The following STXBP6 variants were observed in gnomAD, a reference collection of about 807,000 sequenced individuals.
The protein encoded by STXBP6 is syntaxin binding protein 6, also known as syntaxin-binding protein 6.
Under a neutral mutation model 26.9 loss-of-function variants are expected in STXBP6, and 21 were observed. The ratio of observed to expected loss-of-function variants is 0.78; its 90% confidence interval spans 0.55 to 1.12. The LOEUF is 1.12. Among genes scored for constraint, STXBP6 ranks in the 50% most tolerant of loss-of-function variants. STXBP6 has a pLI of 0.00. For missense variants in STXBP6, 232 were observed against 257.9 expected (o/e 0.90, Z 0.69); for synonymous variants, 97 against 92.6 (o/e 1.05, Z -0.27).
chr14:24,913,269 A>T (rs1389882726), intron 2 of STXBP6, among the ~76,000 whole-genome samples: 1 of 152,216 alleles, frequency 6.6e-6, no homozygotes, highest in Admixed American at 6.5e-5. Context: ...GGACCAGTTA[A>T]TAAGGAATGG....
At chr14:25,003,197 G>C (rs902954946) in intron 1 of STXBP6, among the ~76,000 whole-genome samples, 2 of 152,144 alleles carry the variant, frequency 1.3e-5, no homozygotes, top group Non-Finnish European at 2.9e-5. Context: ...TGGAGGGGAG[G>C]AGACCAGTTG....
At chr14:24,839,584 A>G (rs1264109620) in intron 4 of STXBP6, among the ~76,000 whole-genome samples, 1 of 152,182 alleles carries the variant, frequency 6.6e-6, no homozygotes, top group African/African-American at 2.4e-5. Flanking sequence ...CTAAAAACCC[A>G]AAAAGTATGG....
At chr14:24,858,073 C>T (rs2069402497) in intron 2 of STXBP6, among the ~76,000 whole-genome samples, 2 of 152,048 alleles carry the variant, frequency 1.3e-5, no homozygotes, top group Non-Finnish European at 2.9e-5. Flanking sequence ...GAAGATGATC[C>T]TAATTACTGA....
At chr14:25,044,039 C>T (rs1453804014) in intron 1 of STXBP6, among the ~76,000 whole-genome samples, 12 of 151,730 alleles carry the variant, frequency 7.9e-5, no homozygotes, top group Non-Finnish European at 2.9e-5. Flanking sequence ...GAGGTGGTGG[C>T]ACATGCCTGT....
chr14:24,912,102 G>A (rs1425005179), intron 2 of STXBP6, among the ~76,000 whole-genome samples: 1 of 152,114 alleles, frequency 6.6e-6, no homozygotes, highest in Non-Finnish European at 1.5e-5. Context: ...TGGCATGAGA[G>A]TCCCATCAAG....
chr14:24,987,474 C>T (rs145716823), intron 1 of STXBP6, among the ~76,000 whole-genome samples: 1 of 152,336 alleles, frequency 6.6e-6, no homozygotes, highest in East Asian at 1.9e-4. Flanking sequence ...CTGCTCCCAC[C>T]TGGGGTGTCC....
At chr14:24,830,251 G>A (rs1427255964) in intron 4 of STXBP6, among the ~76,000 whole-genome samples, 1 of 151,992 alleles carries the variant, frequency 6.6e-6, no homozygotes. Context: ...TAAAATAGGG[G>A]TAATCTGGAC....
chr14:24,894,947 C>T (rs1357533219), intron 2 of STXBP6, among the ~76,000 whole-genome samples: 2 of 151,848 alleles, frequency 1.3e-5, no homozygotes, highest in Non-Finnish European at 2.9e-5. Context: ...TATCATATCC[C>T]ACTGGTTTTA....
intron 2 of STXBP6, among the ~76,000 whole-genome samples, chr14:24,927,763 T>C (rs2072231033): frequency 6.6e-6 from 1 of 152,240 alleles, no homozygotes; most frequent in African/African-American, 2.4e-5. Flanking sequence ...GTTCAGGGCT[T>C]ATTTTTCTTT....
At chr14:25,017,782 T>C (rs985414565) in intron 1 of STXBP6, among the ~76,000 whole-genome samples, 2 of 152,202 alleles carry the variant, frequency 1.3e-5, no homozygotes, top group African/African-American at 4.8e-5. Context: ...GAGGACTTAC[T>C]GGACCCTGTG....
intron 2 of STXBP6, among the ~76,000 whole-genome samples, chr14:24,885,504 C>T (rs368709946): frequency 9.9e-4 from 151 of 152,324 alleles, no homozygotes; most frequent in Admixed American, 1.8e-3. Flanking sequence ...ACACTCAATC[C>T]CCTACCTTCA....
At chr14:24,896,567 C>T (rs905900506) in intron 2 of STXBP6, among the ~76,000 whole-genome samples, 2 of 152,194 alleles carry the variant, frequency 1.3e-5, no homozygotes, top group Non-Finnish European at 2.9e-5. Context: ...GAACCACTTA[C>T]TTTAAGGGCT....
intron 1 of STXBP6, among the ~76,000 whole-genome samples, chr14:24,992,000 T>G (rs1566543225): frequency 1.3e-5 from 2 of 152,214 alleles, no homozygotes. Context: ...GCCACTCTTT[T>G]GCTCAACATT....
intron 1 of STXBP6, among the ~76,000 whole-genome samples, chr14:25,001,429 A>C (rs928193667): frequency 1.8e-4 from 28 of 152,184 alleles, no homozygotes; most frequent in African/African-American, 6.8e-4. Flanking sequence ...TTATGCTAAC[A>C]AGATGACTCT....
chr14:24,879,346 C>T (rs924902131), intron 2 of STXBP6, among the ~76,000 whole-genome samples: 2 of 152,084 alleles, frequency 1.3e-5, no homozygotes, highest in Non-Finnish European at 2.9e-5. Context: ...AGGAAAAGAA[C>T]AAAGTTACAT....
chr14:24,963,970 TAAAAAAAAAAAA>T (rs768793147), intron 2 of STXBP6, among the ~76,000 whole-genome samples: 2 of 64,692 alleles, frequency 3.1e-5, no homozygotes, highest in Admixed American at 3.7e-4. Flanking sequence ...AGCAAGTTTC[TAAAAAAAAAAAA>T]AAAAAAAAAA....
intron 2 of STXBP6, among the ~76,000 whole-genome samples, chr14:24,865,282 G>T (rs1420838086): frequency 2.0e-5 from 3 of 152,114 alleles, no homozygotes; most frequent in African/African-American, 7.2e-5. Context: ...ACCCCTGAGA[G>T]ATGGGAAATG....
chr14:24,888,165 T>C (rs1372802037), intron 2 of STXBP6, among the ~76,000 whole-genome samples: 1 of 152,096 alleles, frequency 6.6e-6, no homozygotes, highest in Non-Finnish European at 1.5e-5. Context: ...CTCACTAAAG[T>C]GACTAAGGAG....
At chr14:24,965,188 G>A (rs1031779063) in intron 2 of STXBP6, among the ~76,000 whole-genome samples, 2 of 152,018 alleles carry the variant, frequency 1.3e-5, no homozygotes, top group Non-Finnish European at 2.9e-5. Flanking sequence ...ACAGACTGGA[G>A]AGGATGCAAA....
Sources: gnomAD v4.1 joint callset for allele counts (sites outside exome capture counted in the v4.1 genomes callset) on GRCh38, gnomAD v4.1.1 for gene constraint, MANE v1.5 for transcripts, NCBI Gene and HGNC (gene_info 2026-07-23, HGNC 2026-07-21) for gene names.